The following ATP2B1 variants were observed in gnomAD, a reference collection of about 807,000 sequenced individuals.
ATP2B1 encodes plasma membrane calcium-transporting ATPase 1.
ATP2B1 carries 14 observed loss-of-function variants against 124.2 expected under a neutral mutation model. That is an observed-to-expected ratio of 0.11 (90% confidence interval 0.07 to 0.18). The LOEUF (loss-of-function observed/expected upper bound fraction) is 0.18, where lower values mean the gene tolerates loss of function less well. Ranked by LOEUF, ATP2B1 falls within the 10% of genes least tolerant of loss-of-function variation. ATP2B1 has a pLI of 1.00. For synonymous variants in ATP2B1, 449 were observed against 492.4 expected, an observed-to-expected ratio of 0.91 and a Z score of 1.17; for missense variants, 763 against 1,466.1, an observed-to-expected ratio of 0.52 and a Z score of 7.83.
intron 20 of ATP2B1, among the ~76,000 whole-genome samples, chr12:89,595,393 G>A (rs1192975765): frequency 6.6e-6 from 1 of 151,962 alleles, no homozygotes; most frequent in Non-Finnish European, 1.5e-5. Context: ...ACTGGTGTTA[G>A]AATGATATAC....
intron 1 of ATP2B1, among the ~76,000 whole-genome samples, chr12:89,698,442 C>T (rs187137600): frequency 2.5e-4 from 38 of 152,046 alleles, no homozygotes; most frequent in African/African-American, 7.5e-4. Context: ...TATTCTATAG[C>T]GACAGAAAGC....
At chr12:89,631,765 G>A (rs1033573077) in intron 5 of ATP2B1, among the ~76,000 whole-genome samples, 1 of 151,872 alleles carries the variant, frequency 6.6e-6, no homozygotes, top group Non-Finnish European at 1.5e-5. Context: ...TTGGAAGTTG[G>A]CAGGCATTAC....
At chr12:89,669,815 A>G (rs1887729492) in intron 1 of ATP2B1, among the ~76,000 whole-genome samples, 1 of 152,236 alleles carries the variant, frequency 6.6e-6, no homozygotes, top group South Asian at 2.1e-4. Context: ...GAAGGCACAC[A>G]ATATATATTT....
At chr12:89,640,487 A>G (rs1883338794) in intron 3 of ATP2B1, among the ~76,000 whole-genome samples, 1 of 152,190 alleles carries the variant, frequency 6.6e-6, no homozygotes, top group Non-Finnish European at 1.5e-5. Flanking sequence ...TGCTGCTTCT[A>G]AGAAACCTTA....
chr12:89,636,461 G>A (rs1004556913), intron 3 of ATP2B1, among the ~76,000 whole-genome samples: 7 of 152,196 alleles, frequency 4.6e-5, no homozygotes, highest in Non-Finnish European at 1.0e-4. Context: ...AAGGAATACA[G>A]GCTTCTGGGT....
chr12:89,672,557 T>C (rs1349638409), intron 1 of ATP2B1, among the ~76,000 whole-genome samples: 1 of 152,192 alleles, frequency 6.6e-6, no homozygotes, highest in Non-Finnish European at 1.5e-5. Context: ...TGGCTGCCTA[T>C]CGCGCGAAAT....
intron 2 of ATP2B1, among the ~76,000 whole-genome samples, chr12:89,654,774 C>A (rs927342680): frequency 1.3e-5 from 2 of 151,938 alleles, no homozygotes; most frequent in African/African-American, 2.4e-5. Context: ...AAGAAAAATA[C>A]TTTTGCTTAA....
intron 6 of ATP2B1, among the ~76,000 whole-genome samples, chr12:89,628,530 T>C (rs1881316297): frequency 6.6e-6 from 1 of 151,082 alleles, no homozygotes; most frequent in Non-Finnish European, 1.5e-5. Context: ...TACGAATGTA[T>C]AGAATAAGCC....
chr12:89,691,758 T>C (rs1055833291), intron 1 of ATP2B1, among the ~76,000 whole-genome samples: 1 of 152,168 alleles, frequency 6.6e-6, no homozygotes, highest in Admixed American at 6.6e-5. Flanking sequence ...CTTCCCAGCA[T>C]TCTTAGCCCA....
chr12:89,614,772 C>T (rs912757601), intron 12 of ATP2B1, among the ~76,000 whole-genome samples: 4 of 152,140 alleles, frequency 2.6e-5, no homozygotes, highest in South Asian at 2.1e-4. Flanking sequence ...TCAAAAACAG[C>T]GTATCCAAAC....
Position 89,603,392 on chromosome 12 carries a change from A to C in ATP2B1, c.2849-138T>G. The C allele has an allele frequency of 5.5e-6, 4 of 731,902 alleles. No individual in the cohort carries two copies. The highest frequency in any genetic ancestry group is 8.7e-6 in the Non-Finnish European group (4 of 459,658). The allele number at this position is 731,902 out of a possible 1,614,324, so 45.3% of individuals were successfully genotyped here. ...GAAGGAGCTAGAGAAACCTGGGATT[A>C]TCTAGTACAACTCTCTTGTTTTATA... is the stretch of plus-strand genomic sequence containing the variant. On this transcript the variant is annotated intron_variant, in intron 17 of 20. Transcript: ENST00000428670. The surrounding 1 kb of genome is among the most constrained non-coding windows in gnomAD (Gnocchi z 4.3).
intron 15 of ATP2B1, among the ~76,000 whole-genome samples, chr12:89,604,941 G>C (rs776697978): frequency 3.9e-5 from 6 of 152,024 alleles, no homozygotes; most frequent in African/African-American, 1.4e-4. Context: ...AAGATCTCTT[G>C]AAAGTCTACT....
At chr12:89,621,398 AAATTTAAAAACCATTATATAAATAAATAT>A in intron 10 of ATP2B1, 122 bp downstream of exon 10, 1 of 548,836 alleles carries the variant, frequency 1.8e-6, no homozygotes, top group African/African-American at 2.0e-5. Context: ...CTCATAACAC[AAATTTAAAAACCATTATATAAATAAATAT>A]ATGCCTTTTA....
At chr12:89,675,153 G>A (rs1283362983) in intron 1 of ATP2B1, among the ~76,000 whole-genome samples, 1 of 152,080 alleles carries the variant, frequency 6.6e-6, no homozygotes, top group Non-Finnish European at 1.5e-5. Context: ...ATTTAATAAA[G>A]CCCATTATGT....
At chr12:89,627,600 T>C in intron 7 of ATP2B1, 78 bp downstream of exon 7, 1 of 1,497,786 alleles carries the variant, frequency 6.7e-7, no homozygotes, top group Non-Finnish European at 9.2e-7. Flanking sequence ...TATCTTACTT[T>C]TGAATAAATA....
chr12:89,703,162 G>A (rs1490095832), intron 1 of ATP2B1, among the ~76,000 whole-genome samples: 1 of 152,090 alleles, frequency 6.6e-6, no homozygotes, highest in Non-Finnish European at 1.5e-5. Flanking sequence ...GCAGATACAG[G>A]CTATTTGCTA....
At chr12:89,637,255 G>A (rs1180486694) in intron 3 of ATP2B1, among the ~76,000 whole-genome samples, 1 of 152,116 alleles carries the variant, frequency 6.6e-6, no homozygotes, top group Non-Finnish European at 1.5e-5. Flanking sequence ...ATGAAAATGA[G>A]TATGATTTAG....
At chr12:89,671,684 T>G (rs1228651745) in intron 1 of ATP2B1, among the ~76,000 whole-genome samples, 1 of 151,578 alleles carries the variant, frequency 6.6e-6, no homozygotes, top group Non-Finnish European at 1.5e-5. Context: ...CTAAGCAACC[T>G]CCTAATTATA....
chr12:89,645,893 T>C (rs186771474), intron 2 of ATP2B1, among the ~76,000 whole-genome samples: 6 of 152,214 alleles, frequency 3.9e-5, no homozygotes, highest in African/African-American at 7.2e-5. Context: ...CTGAAGGAAA[T>C]TGAAGAGAGC....
Sources: allele counts gnomAD v4.1 joint callset (sites outside exome capture counted in the v4.1 genomes callset), GRCh38; gene constraint gnomAD v4.1.1; non-coding constraint Gnocchi (gnomAD v3.1); transcripts MANE v1.5; gene names NCBI Gene and HGNC (gene_info 2026-07-23, HGNC 2026-07-21).